Variants in PLXNA4 observed in about 807,000 individuals in gnomAD.
PLXNA4 encodes the protein plexin-A4.
Under a neutral mutation model 191.8 loss-of-function variants are expected in PLXNA4, and 44 were observed. The observed-to-expected ratio is 0.23, with a 90% CI of 0.18 to 0.29. The LOEUF (loss-of-function observed/expected upper bound fraction) is 0.29, where lower values mean the gene tolerates loss of function less well. Ranked by LOEUF, PLXNA4 falls within the 10% of genes least tolerant of loss-of-function variation. The pLI is 1.00. For synonymous variants in PLXNA4, 1,082 were observed against 1,009.5 expected, an observed-to-expected ratio of 1.07 and a Z score of -1.36; for missense variants, 1,800 against 2,488.8, an observed-to-expected ratio of 0.72 and a Z score of 5.89.
chr7:132,370,295 AC>A (rs1486836287), intron 3 of PLXNA4, among the ~76,000 whole-genome samples: 1 of 152,074 alleles, frequency 6.6e-6, no homozygotes, highest in Admixed American at 6.5e-5. Context: ...CACAGATGCC[AC>A]CCTGGCATGA....
intron 1 of PLXNA4, among the ~76,000 whole-genome samples, chr7:132,558,041 T>C (rs1304587203): frequency 6.6e-6 from 1 of 152,152 alleles, no homozygotes; most frequent in Non-Finnish European, 1.5e-5. Flanking sequence ...TAAGTGGGAA[T>C]ATGAGATGTA....
At chr7:132,232,270 C>T (rs558772377) in intron 5 of PLXNA4, among the ~76,000 whole-genome samples, 29 of 152,284 alleles carry the variant, frequency 1.9e-4, no homozygotes, top group Admixed American at 5.2e-4. Flanking sequence ...CTCCACTGTA[C>T]AGGCCCCTTG....
chr7:132,491,473 G>A (rs1797795888), intron 2 of PLXNA4, among the ~76,000 whole-genome samples: 1 of 152,256 alleles, frequency 6.6e-6, no homozygotes, highest in South Asian at 2.1e-4. Context: ...TCTTCCTACA[G>A]AGTAGGGACA....
At chr7:132,290,880 G>C (rs928962205) in intron 4 of PLXNA4, among the ~76,000 whole-genome samples, 1 of 152,194 alleles carries the variant, frequency 6.6e-6, no homozygotes, top group African/African-American at 2.4e-5. Context: ...TCCATGATAA[G>C]AGAAACCATA....
chr7:132,298,065 G>A lies in PLXNA4; in HGVS notation c.1503+26C>T, dbSNP rs765569975. On this transcript the variant is annotated intron_variant, in intron 4 of 31. Transcript: ENST00000321063. Reference sequence around the variant, plus strand: ...GCTAGTATTTAACTGCAAGACAAATGTCTAGCGGAGCCCGAAGAGCCTTAC... The same window carrying A: ...GCTAGTATTTAACTGCAAGACAAATATCTAGCGGAGCCCGAAGAGCCTTAC... 4 of 1,613,892 alleles carry A rather than the reference G, an allele frequency of 2.5e-6. No individual in the cohort carries two copies. The African/African-American group carries it at 5.3e-5, about 22-fold the overall frequency.
At chr7:132,470,739 T>C (rs1297800713) in intron 3 of PLXNA4, among the ~76,000 whole-genome samples, 5 of 152,150 alleles carry the variant, frequency 3.3e-5, no homozygotes, top group Admixed American at 3.3e-4. Context: ...GCCAAAAACA[T>C]GTATCACTGC....
At chr7:132,452,584 G>A (rs1796162678) in intron 3 of PLXNA4, among the ~76,000 whole-genome samples, 1 of 152,216 alleles carries the variant, frequency 6.6e-6, no homozygotes, top group Non-Finnish European at 1.5e-5. Flanking sequence ...TGGTCTGAAA[G>A]GTGTAAGGGT....
intron 2 of PLXNA4, among the ~76,000 whole-genome samples, chr7:132,618,427 G>A (rs529036352): frequency 5.3e-5 from 8 of 152,156 alleles, no homozygotes; most frequent in Non-Finnish European, 1.2e-4. Context: ...GCATCTCCAG[G>A]CCCTGGCACT....
intron 21 of PLXNA4, among the ~76,000 whole-genome samples, chr7:132,170,295 AC>A (rs1401659204): frequency 1.3e-5 from 2 of 152,190 alleles, no homozygotes; most frequent in South Asian, 2.1e-4. Flanking sequence ...CCCATGAGGG[AC>A]CCTGTGAGGA....
At chr7:132,215,999 T>C (rs1157605256) in intron 9 of PLXNA4, among the ~76,000 whole-genome samples, 1 of 152,234 alleles carries the variant, frequency 6.6e-6, no homozygotes. Flanking sequence ...CCCTGACTTA[T>C]AACTGGTGGG....
At chr7:132,383,360 T>C (rs1446950393) in intron 3 of PLXNA4, 1 of 194,618 alleles carries the variant, frequency 5.1e-6, no homozygotes, top group African/African-American at 2.4e-5. Flanking sequence ...GATTCTATTT[T>C]TCAAAATTTA....
chr7:132,310,294 G>A (rs1350972684), intron 3 of PLXNA4, among the ~76,000 whole-genome samples: 1 of 152,226 alleles, frequency 6.6e-6, no homozygotes, highest in East Asian at 1.9e-4. Flanking sequence ...GCTGTGGCTA[G>A]TTAATACGTA....
At chr7:132,235,605 G>T (rs543715786) in intron 5 of PLXNA4, among the ~76,000 whole-genome samples, 1 of 152,180 alleles carries the variant, frequency 6.6e-6, no homozygotes, top group Non-Finnish European at 1.5e-5. Context: ...TCCTTCCCCT[G>T]TGATGTCTTG....
At chr7:132,341,211 T>C (rs545377304) in intron 3 of PLXNA4, among the ~76,000 whole-genome samples, 3 of 152,324 alleles carry the variant, frequency 2.0e-5, no homozygotes, top group East Asian at 3.9e-4. Context: ...AACAAGTTAC[T>C]AGAATGGCAC....
At chr7:132,351,764 G>T (rs1466510016) in intron 3 of PLXNA4, among the ~76,000 whole-genome samples, 1 of 152,152 alleles carries the variant, frequency 6.6e-6, no homozygotes, top group Non-Finnish European at 1.5e-5. Context: ...CAGGTACCAG[G>T]CCTCTGAGCT....
chr7:132,153,370 G>A lies in PLXNA4; in HGVS notation c.4661-4724C>T, dbSNP rs549023169. Among the ~76,000 whole-genome samples the A allele has an allele frequency of 3.6e-4, 55 of 152,244 alleles. 1 individual carries two copies. The highest frequency in any genetic ancestry group is 3.4e-3 in the Middle Eastern group (1 of 294). On this transcript the variant is annotated intron_variant, in intron 25 of 31. Transcript: ENST00000321063. ...TGAGCTGAGGCCAGGGAGACAGAGC[G>A]GGGAGGGGATAAGGAGAGGAGAGCA...
intron 1 of PLXNA4, among the ~76,000 whole-genome samples, chr7:132,519,469 G>T (rs1799081334): frequency 6.6e-6 from 1 of 152,188 alleles, no homozygotes; most frequent in African/African-American, 2.4e-5. Context: ...CAGAAAAGGG[G>T]CTTGGGGGTC....
At chr7:132,362,885 T>C (rs1410449826) in intron 3 of PLXNA4, among the ~76,000 whole-genome samples, 1 of 152,252 alleles carries the variant, frequency 6.6e-6, no homozygotes, top group Non-Finnish European at 1.5e-5. Context: ...ATACATAGCA[T>C]AAAACTTGCC....
Position 132,541,984 on chromosome 7 carries a change from T to C in PLXNA4, c.-86-33205A>G, listed in dbSNP as rs76856669. 3.6e-3 allele frequency among the ~76,000 whole-genome samples: 547 copies of C among 152,288 alleles called. 7 individuals are homozygous for C. The highest frequency in any genetic ancestry group is 0.013 in the African/African-American group (520 of 41,536). ...TGAAATGGGCTTTACATACAAATTA[T>C]AACAGTTCCAGGAAAATCTAATATA... On this transcript the variant is annotated intron_variant, in intron 1 of 31. Transcript: ENST00000321063.
Sources: allele counts gnomAD v4.1 joint callset (sites outside exome capture counted in the v4.1 genomes callset), GRCh38; gene constraint gnomAD v4.1.1; transcripts MANE v1.5; gene names NCBI Gene and HGNC (gene_info 2026-07-23, HGNC 2026-07-21).